MACROD2: variants seen among roughly 807,000 people sequenced by gnomAD.
MACROD2 encodes ADP-ribose glycohydrolase MACROD2.
MACROD2 carries 36 observed loss-of-function variants against 70.4 expected under a neutral mutation model. The ratio of observed to expected loss-of-function variants is 0.51; its 90% confidence interval spans 0.39 to 0.68. The LOEUF (loss-of-function observed/expected upper bound fraction) is 0.68. Ranked by LOEUF, MACROD2 falls within the 30% of genes least tolerant of loss-of-function variation. MACROD2 has a pLI of 0.00. For missense variants in MACROD2, 496 were observed against 538.4 expected (o/e 0.92, Z 0.78); for synonymous variants, 172 against 178.8 (o/e 0.96, Z 0.30).
At chr20:14,507,411 A>G (rs544588118) in intron 4 of MACROD2, among the ~76,000 whole-genome samples, 42 of 152,272 alleles carry the variant, frequency 2.8e-4, no homozygotes, top group African/African-American at 9.6e-4. Flanking sequence ...GTTATTGTGT[A>G]ACGAATACAA....
intron 8 of MACROD2, among the ~76,000 whole-genome samples, chr20:15,710,111 A>C (rs1400735382): frequency 6.6e-6 from 1 of 150,608 alleles, no homozygotes; most frequent in Non-Finnish European, 1.5e-5. Context: ...AATGTTCAAC[A>C]TTGTTAATCA....
intron 8 of MACROD2, among the ~76,000 whole-genome samples, chr20:15,698,773 T>A (rs2050413030): frequency 6.6e-6 from 1 of 152,138 alleles, no homozygotes; most frequent in Non-Finnish European, 1.5e-5. Context: ...TTATATTTTC[T>A]TACTCCTTTT....
intron 7 of MACROD2, among the ~76,000 whole-genome samples, chr20:15,441,034 C>T (rs941688092): frequency 1.3e-5 from 2 of 152,154 alleles, no homozygotes; most frequent in African/African-American, 2.4e-5. Flanking sequence ...TGGGGCCAAG[C>T]CTATCTCTAT....
chr20:14,277,248 G>A (rs894250826), intron 3 of MACROD2, among the ~76,000 whole-genome samples: 8 of 152,160 alleles, frequency 5.3e-5, no homozygotes, highest in Non-Finnish European at 7.3e-5. Context: ...AGGAGAGTAA[G>A]ACCATCCTGG....
chr20:14,868,203 T>TA (rs1349866600), intron 5 of MACROD2, among the ~76,000 whole-genome samples: 1 of 150,064 alleles, frequency 6.7e-6, no homozygotes, highest in East Asian at 1.9e-4. Context: ...TTTTTTTTTT[T>TA]AAGAGACAAG....
At chr20:14,085,873 T>C (rs980243514) in intron 3 of MACROD2, 145 bp downstream of exon 3, 1 of 504,960 alleles carries the variant, frequency 2.0e-6, no homozygotes, top group Non-Finnish European at 3.4e-6. Context: ...TTAAAAACAT[T>C]GGAGATCTAT....
chr20:14,933,756 T>C (rs1441276803), intron 5 of MACROD2: 3 of 152,094 alleles, frequency 2.0e-5, no homozygotes, highest in African/African-American at 7.2e-5. Flanking sequence ...CTGCAGAAAA[T>C]AGCCATTTAA....
chr20:15,868,773 T>A (rs905684219), intron 9 of MACROD2, among the ~76,000 whole-genome samples: 1 of 152,098 alleles, frequency 6.6e-6, no homozygotes, highest in African/African-American at 2.4e-5. Context: ...CCAACTACTA[T>A]TTTTTAAATT....
chr20:14,078,973 A>G (rs759356733), intron 2 of MACROD2, among the ~76,000 whole-genome samples: 5 of 152,234 alleles, frequency 3.3e-5, no homozygotes, highest in Non-Finnish European at 5.9e-5. Context: ...ATGTTCTGGT[A>G]TATACTGTTA....
At chr20:15,789,311 G>T (rs919655877) in intron 8 of MACROD2, among the ~76,000 whole-genome samples, 1 of 152,178 alleles carries the variant, frequency 6.6e-6, no homozygotes, top group Non-Finnish European at 1.5e-5. Flanking sequence ...CAGAGTCAGT[G>T]TATGAGACCC....
At chr20:14,379,536 C>T (rs1462787711) in intron 3 of MACROD2, among the ~76,000 whole-genome samples, 1 of 152,072 alleles carries the variant, frequency 6.6e-6, no homozygotes, top group Non-Finnish European at 1.5e-5. Context: ...TGTTGTGTAA[C>T]CATCAGTAGT....
chr20:14,728,437 A>G (rs1486484241), intron 5 of MACROD2, among the ~76,000 whole-genome samples: 1 of 152,190 alleles, frequency 6.6e-6, no homozygotes, highest in East Asian at 1.9e-4. Context: ...TTTATATAGC[A>G]TACGTAATAG....
At chr20:14,179,159 AGAAGAGGGAAGAGCCAAATGAC>A (rs2081287664) in intron 3 of MACROD2, among the ~76,000 whole-genome samples, 2 of 152,196 alleles carry the variant, frequency 1.3e-5, no homozygotes, top group Admixed American at 1.3e-4. Flanking sequence ...GCCTGACTGT[AGAAGAGGGAAGAGCCAAATGAC>A]TCACAAAGGA....
At chr20:15,819,448 TATATATAA>T (rs1410450658) in intron 8 of MACROD2, among the ~76,000 whole-genome samples, 3 of 127,926 alleles carry the variant, frequency 2.3e-5, no homozygotes, top group Admixed American at 7.6e-5. Flanking sequence ...ATTATATAAA[TATATATAA>T]ATATATAAGT....
At chr20:15,128,186 T>A (rs1177388041) in intron 5 of MACROD2, among the ~76,000 whole-genome samples, 1 of 152,132 alleles carries the variant, frequency 6.6e-6, no homozygotes, top group Admixed American at 6.6e-5. Context: ...AATACCTGTA[T>A]GTTTTTAGAA....
At chr20:14,988,550 A>G (rs1391403485) in intron 5 of MACROD2, among the ~76,000 whole-genome samples, 1 of 152,120 alleles carries the variant, frequency 6.6e-6, no homozygotes, top group Non-Finnish European at 1.5e-5. Context: ...AAACTCCTGG[A>G]GGAATCTATG....
In MACROD2 at chr20:14,894,135, TC is replaced by T. The variant is rs1303982534; in HGVS notation, c.418+209177del. On this transcript the variant is annotated intron_variant, in intron 5 of 17. Coordinates refer to ENST00000684519, the MANE Select transcript of MACROD2 (RefSeq NM_001351661.2). ...ATTATTTTCATGTTTCAGATACATTTCAACTTTGTTTATTGCAATTTTTGCT... is the reference window on the plus strand; with the variant it reads ...ATTATTTTCATGTTTCAGATACATTTAACTTTGTTTATTGCAATTTTTGCT... 3.3e-5 allele frequency: 5 copies of T among 152,312 alleles called. No individual in the cohort carries two copies. The East Asian group carries it at 9.6e-4, about 29-fold the overall frequency. The allele number at this position is 152,312 out of a possible 1,614,324, so 9.4% of individuals were successfully genotyped here.
intron 8 of MACROD2, among the ~76,000 whole-genome samples, chr20:15,502,784 C>T (rs1600503493): frequency 6.6e-6 from 1 of 152,082 alleles, no homozygotes; most frequent in African/African-American, 2.4e-5. Flanking sequence ...AAACTACCCC[C>T]AAATCTTGGT....
intron 13 of MACROD2, 27 bp downstream of exon 13, chr20:15,967,657 T>A: frequency 6.6e-7 from 1 of 1,509,304 alleles, no homozygotes; most frequent in East Asian, 2.4e-5. Flanking sequence ...TTTATTAGAT[T>A]TTCTTTTCTT....
Sources: allele counts gnomAD v4.1 joint callset (sites outside exome capture counted in the v4.1 genomes callset), GRCh38; gene constraint gnomAD v4.1.1; transcripts MANE v1.5; gene names NCBI Gene and HGNC (gene_info 2026-07-23, HGNC 2026-07-21).